VPS13B: variants seen among roughly 807,000 people sequenced by gnomAD.
VPS13B encodes the protein vacuolar protein sorting 13 homolog B, also known as intermembrane lipid transfer protein VPS13B.
VPS13B carries 285 observed loss-of-function variants against 426.4 expected under a neutral mutation model. The ratio of observed to expected loss-of-function variants is 0.67; its 90% CI spans 0.61 to 0.74. The LOEUF (loss-of-function observed/expected upper bound fraction) is 0.74. Among genes scored for constraint, VPS13B ranks in the 30% least tolerant of loss-of-function variants. The pLI is 0.00. For missense variants in VPS13B, 4,537 were observed against 4,782.6 expected (o/e 0.95, Z 1.51); for synonymous variants, 1,676 against 1,676.4 (o/e 1.00, Z 0.01).
At chr8:99,444,185 G>A (rs750710784) in intron 23 of VPS13B, among the ~76,000 whole-genome samples, 9 of 151,414 alleles carry the variant, frequency 5.9e-5, no homozygotes, top group South Asian at 4.2e-4. Context: ...TGCAGCCTCC[G>A]CCTCCCAGGT....
At chr8:99,722,873 A>G (rs533714791) in intron 39 of VPS13B, among the ~76,000 whole-genome samples, 2 of 152,340 alleles carry the variant, frequency 1.3e-5, no homozygotes, top group South Asian at 4.2e-4. Context: ...CAACATGAAA[A>G]TACGCATACA....
At chr8:99,821,167 C>CA (rs1588747148) in intron 49 of VPS13B, 127 bp from the exon 50 acceptor site, 51 of 515,706 alleles carry the variant, frequency 9.9e-5, no homozygotes, top group East Asian at 1.6e-4. Context: ...CACACACACA[C>CA]CATGGAGGGA....
chr8:99,044,671 T>C (rs1843127893), intron 3 of VPS13B, among the ~76,000 whole-genome samples: 1 of 152,060 alleles, frequency 6.6e-6, no homozygotes, highest in African/African-American at 2.4e-5. Context: ...CCAAAGTCCA[T>C]TGTGTCATTC....
intron 13 of VPS13B, 124 bp from the exon 14 acceptor site, chr8:99,147,717 G>C: frequency 2.0e-6 from 1 of 506,128 alleles, no homozygotes; most frequent in Non-Finnish European, 3.0e-6. Context: ...TTTTATACCT[G>C]CTTCATTGTT....
chr8:99,625,555 T>G (rs1828574897), intron 33 of VPS13B, among the ~76,000 whole-genome samples: 1 of 150,908 alleles, frequency 6.6e-6, no homozygotes, highest in Non-Finnish European at 1.5e-5. Context: ...TCCTATATGT[T>G]AATAATAATA....
In VPS13B at chr8:99,778,885, C is replaced by T; in HGVS notation, c.7633C>T (p.Pro2545Ser). The change falls in exon 42 of 62, where the codon CCC becomes TCC. Residue 2545 changes from proline to serine, a missense_variant. By Grantham distance (74) the Pro-to-Ser change is moderately conservative. Around this residue, in one of 2 missense-constraint regions of VPS13B, gnomAD observed 4,311 missense variants for 4,474.3 expected, o/e 0.96. Transcript: ENST00000357162. ...TGTCACTATGCAAAGTGTGGTGAAA[C>T]CCTTCAGCATCTTCGGGCAGATGGC... ...RNVTMQSVVK[P>S]FSIFGQMAVS... 2 of 1,613,970 alleles carry T rather than the reference C, an allele frequency of 1.2e-6. No homozygotes were observed. Among genetic ancestry groups the T allele is most frequent in the Non-Finnish European group, 1.7e-6 (2 of 1,179,912 alleles).
intron 33 of VPS13B, among the ~76,000 whole-genome samples, chr8:99,580,926 C>A (rs1205457580): frequency 1.3e-5 from 2 of 150,704 alleles, no homozygotes; most frequent in African/African-American, 4.9e-5. Context: ...GGGCAGATCA[C>A]TTGAGCTTAG....
chr8:99,661,243 G>T (rs1830211459), intron 34 of VPS13B, 111 bp from the exon 35 acceptor site: 3 of 1,337,072 alleles, frequency 2.2e-6, no homozygotes, highest in Non-Finnish European at 2.1e-6. Flanking sequence ...AATGAAGCTT[G>T]CAAACAGTTA....
chr8:99,507,033 T>A, intron 27 of VPS13B, 104 bp from the exon 28 acceptor site: 1 of 1,194,724 alleles, frequency 8.4e-7, no homozygotes, highest in South Asian at 1.2e-5. Context: ...TTTAGTTCAG[T>A]GCAGTGTTGT....
At chr8:99,799,057 A>G (rs1813000750) in intron 43 of VPS13B, 1 of 152,218 alleles carries the variant, frequency 6.6e-6, no homozygotes, top group South Asian at 2.1e-4. Flanking sequence ...TGGCATACCT[A>G]TTATACTGTG....
At chr8:99,384,388 T>C in intron 20 of VPS13B, 71 bp downstream of exon 20, 3 of 1,210,332 alleles carry the variant, frequency 2.5e-6, no homozygotes, top group Non-Finnish European at 3.6e-6. Flanking sequence ...ATTATATATG[T>C]CTTTTGATGG....
At chr8:99,538,416 T>C (rs1823374504) in intron 30 of VPS13B, among the ~76,000 whole-genome samples, 1 of 152,138 alleles carries the variant, frequency 6.6e-6, no homozygotes, top group South Asian at 2.1e-4. Context: ...TTTTTAAAAC[T>C]TTTATATCAT....
chr8:99,779,002 C>T lies in VPS13B; in HGVS notation c.7750C>T (p.Leu2584=), dbSNP rs774362514. ...CCTTGGACAGCATGTAGTCCATTCA[C>T]TAAACACTGCAATACAAGCTTGGCA... ...VNLGQHVVHS[L]NTAIQAWQQN... The change falls in exon 42 of 62, where the codon CTA becomes TTA. Residue 2584 remains leucine, a synonymous_variant. Transcript: ENST00000357162. 6.2e-7 allele frequency: 1 copy of T among 1,613,684 alleles called. No individual in the cohort carries two copies. Among genetic ancestry groups the T allele is most frequent in the Non-Finnish European group, 8.5e-7 (1 of 1,179,814 alleles).
chr8:99,860,978 C>G (rs1013029946), intron 57 of VPS13B, among the ~76,000 whole-genome samples: 1 of 152,226 alleles, frequency 6.6e-6, no homozygotes, highest in Admixed American at 6.5e-5. Flanking sequence ...GGTTTAGTAT[C>G]TCCCCCTTTG....
chr8:99,339,675 T>A (rs958768399), intron 19 of VPS13B, among the ~76,000 whole-genome samples: 1 of 152,106 alleles, frequency 6.6e-6, no homozygotes, highest in African/African-American at 2.4e-5. Context: ...AGTAATGTTT[T>A]ACGGAAAGGG....
At chr8:99,544,372 G>A (rs1367883135) in intron 30 of VPS13B, among the ~76,000 whole-genome samples, 2 of 152,124 alleles carry the variant, frequency 1.3e-5, no homozygotes, top group East Asian at 3.9e-4. Flanking sequence ...TAGATGATGA[G>A]TTAGTGGGTG....
chr8:99,274,269 A>C lies in VPS13B; in HGVS notation c.2587A>C (p.Thr863Pro), dbSNP rs761218946. 1.2e-6 allele frequency: 2 copies of C among 1,614,072 alleles called. No individual in the cohort carries two copies. Among genetic ancestry groups the C allele is most frequent in the Admixed American group, 1.7e-5 (1 of 60,010 alleles). Residue 863 changes from threonine (T) to proline (P), a missense_variant, in exon 18 of 62, where the codon ACA becomes CCA. Physicochemically the swap from Thr to Pro is conservative, Grantham distance 38 (BLOSUM62 -1). Transcript: ENST00000357162. ...IQNVELKYCS[T>P]SLVKCASGTM... is the part of the protein sequence containing the mutation. The stretch of plus-strand genomic sequence containing the variant: ...GAATGTTGAATTGAAGTACTGCAGC[A>C]CATCATTGGTCAAATGTGCCTCTGG...
intron 5 of VPS13B, among the ~76,000 whole-genome samples, chr8:99,108,041 C>G (rs1212014033): frequency 1.3e-5 from 2 of 152,136 alleles, no homozygotes; most frequent in East Asian, 1.9e-4. Context: ...TTGTTGCCTT[C>G]TTTGTGTCCA....
chr8:99,562,208 C>T (rs1158784686), intron 31 of VPS13B, among the ~76,000 whole-genome samples: 9 of 152,082 alleles, frequency 5.9e-5, no homozygotes, highest in Non-Finnish European at 7.4e-5. Flanking sequence ...ACTTGAGCAG[C>T]TTTTTGTGTG....
Sources: allele counts gnomAD v4.1 joint callset (sites outside exome capture counted in the v4.1 genomes callset), GRCh38; gene constraint gnomAD v4.1.1; regional missense constraint gnomAD v4.1.1; transcripts MANE v1.5; gene names NCBI Gene and HGNC (gene_info 2026-07-23, HGNC 2026-07-21).